The following ZSCAN5A variants were observed in gnomAD, a reference collection of about 807,000 sequenced individuals.
ZSCAN5A encodes zinc finger and SCAN domain containing 5A, also known as zinc finger and SCAN domain-containing protein 5A.
In ZSCAN5A, 12 loss-of-function variants were observed where a neutral mutation model predicts 23.7. The observed-to-expected ratio is 0.51, with a 90% CI of 0.32 to 0.82. The LOEUF (loss-of-function observed/expected upper bound fraction) is 0.82. ZSCAN5A is among the 40% of genes least tolerant of loss of function. ZSCAN5A has a pLI of 0.03. For missense variants in ZSCAN5A, 597 were observed against 617.9 expected (o/e 0.97, Z 0.36); for synonymous variants, 257 against 239.9 (o/e 1.07, Z -0.66).
intron 2 of ZSCAN5A, chr19:56,228,478 G>A: frequency 2.1e-6 from 2 of 970,952 alleles, no homozygotes; most frequent in Non-Finnish European, 2.4e-6. Context: ...TACTAAACAT[G>A]CCTACTGTGC....
intron 2 of ZSCAN5A, among the ~76,000 whole-genome samples, chr19:56,230,073 C>A (rs1384496982): frequency 1.3e-5 from 2 of 151,958 alleles, no homozygotes; most frequent in Non-Finnish European, 2.9e-5. Flanking sequence ...GCCCTTTATT[C>A]CTTGCTCTGG....
intron 2 of ZSCAN5A, among the ~76,000 whole-genome samples, chr19:56,349,842 TTCCTC>T (rs1367275263): frequency 1.3e-5 from 2 of 152,166 alleles, no homozygotes; most frequent in Non-Finnish European, 2.9e-5. Flanking sequence ...TTTCTAAACT[TTCCTC>T]TCAAAGTTCA....
In ZSCAN5A at chr19:56,351,605, T is replaced by G. The variant is rs1215303719; in HGVS notation, c.-358+11630A>C. On this transcript the variant is annotated intron_variant, in intron 2 of 6. Coordinates refer to the ZSCAN5A transcript ENST00000587340. This position sits in a 1 kb window ranked among gnomAD's most constrained non-coding sequence, Gnocchi z 4.8. ...AGCTGTTCTCTTCTTTCTTCCTTCT[T>G]ACTTGCTATTAAACTTTTCACTCCT... 6.6e-6 allele frequency among the ~76,000 whole-genome samples: 1 copy of G among 152,144 alleles called. No individual in the cohort carries two copies. The highest frequency in any genetic ancestry group is 1.5e-5 in the Non-Finnish European group (1 of 68,024).
chr19:56,293,681 G>A (rs1439147478), intron 2 of ZSCAN5A, among the ~76,000 whole-genome samples: 1 of 152,172 alleles, frequency 6.6e-6, no homozygotes. Flanking sequence ...CACTTGGCAG[G>A]ATGATTCCCA....
chr19:56,366,959 T>C (rs986839320), intron 1 of ZSCAN5A, among the ~76,000 whole-genome samples: 15 of 152,114 alleles, frequency 9.9e-5, no homozygotes, highest in African/African-American at 3.6e-4. Context: ...AATACACAGA[T>C]TGAAGATTTT....
At chr19:56,323,974 A>G (rs2041409079) in intron 2 of ZSCAN5A, among the ~76,000 whole-genome samples, 1 of 152,162 alleles carries the variant, frequency 6.6e-6, no homozygotes, top group Non-Finnish European at 1.5e-5. Flanking sequence ...CCCTTTCTTT[A>G]TGTTGGAAAC....
chr19:56,356,374 C>G (rs528374526), intron 2 of ZSCAN5A, among the ~76,000 whole-genome samples: 1 of 148,654 alleles, frequency 6.7e-6, no homozygotes, highest in South Asian at 2.2e-4. Context: ...TGTCTTACAT[C>G]CTTGGGAATA....
intron 3 of ZSCAN5A, 37 bp from the exon 4 acceptor site, chr19:56,223,871 G>C (rs1205017293): frequency 6.4e-7 from 1 of 1,570,688 alleles, no homozygotes; most frequent in South Asian, 1.1e-5. Context: ...CTCACCATGA[G>C]AACCTGAAAG....
chr19:56,271,244 A>C (rs2037827308), intron 2 of ZSCAN5A, among the ~76,000 whole-genome samples: 1 of 152,164 alleles, frequency 6.6e-6, no homozygotes, highest in Non-Finnish European at 1.5e-5. Flanking sequence ...GCCTCCAACC[A>C]GGCACTCTTG....
At chr19:56,243,167 G>A (rs1489655884) in intron 2 of ZSCAN5A, among the ~76,000 whole-genome samples, 2 of 138,540 alleles carry the variant, frequency 1.4e-5, no homozygotes, top group Non-Finnish European at 3.1e-5. Flanking sequence ...ATTAGGAATA[G>A]AGAAACCCTT....
At chr19:56,269,697 G>C (rs999843244) in intron 2 of ZSCAN5A, among the ~76,000 whole-genome samples, 2 of 152,198 alleles carry the variant, frequency 1.3e-5, no homozygotes, top group African/African-American at 2.4e-5. Flanking sequence ...AATGGGAGAG[G>C]GTTGGAGAGA....
rs2041592062 is a variant in ZSCAN5A at position 56,341,578 on chromosome 19, C to T, written c.-358+21657G>A. 2.0e-5 allele frequency among the ~76,000 whole-genome samples: 3 copies of T among 151,900 alleles called. No homozygotes were observed. The South Asian group carries it at 6.2e-4, about 31-fold the overall frequency. On this transcript the variant is annotated intron_variant, in intron 2 of 6. Coordinates refer to the ZSCAN5A transcript ENST00000587340. The stretch of plus-strand genomic sequence containing the variant: ...GAGTCAAGGCCCTGTAACTCAATGT[C>T]ACAAGGACTTTAAAAGCACATACAG...
At chr19:56,358,051 CA>C (rs2041709331) in intron 2 of ZSCAN5A, among the ~76,000 whole-genome samples, 1 of 148,890 alleles carries the variant, frequency 6.7e-6, no homozygotes, top group Non-Finnish European at 1.5e-5. Context: ...TTTAATTCAG[CA>C]AAAAGAGCCA....
intron 2 of ZSCAN5A, chr19:56,274,372 T>G (rs10775568): frequency 0.42 from 63,111 of 151,510 alleles, 14,390 homozygotes; most frequent in Non-Finnish European, 0.51. Flanking sequence ...GAAAATCGCT[T>G]GAACTCAGGA....
chr19:56,291,050 G>C (rs1038054923), intron 2 of ZSCAN5A, among the ~76,000 whole-genome samples: 1 of 152,198 alleles, frequency 6.6e-6, no homozygotes, highest in Non-Finnish European at 1.5e-5. Context: ...AGCCGTGAGG[G>C]TGTGTCTGGG....
chr19:56,279,277 ATC>A (rs548692878), intron 2 of ZSCAN5A, among the ~76,000 whole-genome samples: 79 of 152,066 alleles, frequency 5.2e-4, no homozygotes, highest in African/African-American at 1.8e-3. Context: ...AGGGAAAAAG[ATC>A]TCTTTTTTTT....
In ZSCAN5A at chr19:56,221,668, T is replaced by C. The variant is rs375794609; in HGVS notation, c.1398A>G (p.Lys466=). 34 of 1,614,056 alleles carry C rather than the reference T, an allele frequency of 2.1e-5. No homozygotes were observed. The highest frequency in any genetic ancestry group is 2.8e-5 in the Non-Finnish European group (33 of 1,180,042). Residue 466 remains lysine (K), a synonymous_variant, in exon 6 of 6, where the codon AAA becomes AAG. Coordinates refer to ENST00000683990, the MANE Select transcript of ZSCAN5A (RefSeq NM_001322064.3). Reference sequence around the variant, plus strand: ...TTGGACACTTGGAACATTTGTAGGGTTTCTCTCCGGAGTGGATGCGCTGGT... The same window carrying C: ...TTGGACACTTGGAACATTTGTAGGGCTTCTCTCCGGAGTGGATGCGCTGGT... ...KEHQRIHSGE[K]PYKCSKCPRA...
chr19:56,279,150 A>C (rs2038488550), intron 2 of ZSCAN5A, among the ~76,000 whole-genome samples: 1 of 152,200 alleles, frequency 6.6e-6, no homozygotes, highest in Non-Finnish European at 1.5e-5. Context: ...GCCTTAGTCA[A>C]GCTGACACCC....
intron 2 of ZSCAN5A, among the ~76,000 whole-genome samples, chr19:56,258,414 GTGACGGACACGCCTTCCAGTGTGGGTGT>G (rs1600113282): frequency 1.4e-5 from 2 of 141,272 alleles, no homozygotes; most frequent in African/African-American, 6.4e-5. Context: ...CAGTGTGGGG[GTGACGGACACGCCTTCCAGTGTGGGTGT>G]TGACAGACAC....
Sources: allele counts gnomAD v4.1 joint callset (sites outside exome capture counted in the v4.1 genomes callset), GRCh38; gene constraint gnomAD v4.1.1; non-coding constraint Gnocchi (gnomAD v3.1); transcripts MANE v1.5; gene names NCBI Gene and HGNC (gene_info 2026-07-23, HGNC 2026-07-21).